LSS: variants seen among roughly 807,000 people sequenced by gnomAD.
The protein encoded by LSS is lanosterol synthase.
In LSS, 90 loss-of-function variants were observed where a neutral mutation model predicts 110.3. That is an observed-to-expected ratio of 0.82 (90% CI 0.69 to 0.97). The LOEUF is 0.97. Ranked by LOEUF, LSS falls within the 50% of genes least tolerant of loss-of-function variation. The probability of loss-of-function intolerance (pLI) is 0.00; values close to 1 mark genes in which losing one functional copy is unlikely to be tolerated. For missense variants in LSS, 927 were observed against 990.0 expected (o/e 0.94, Z 0.85); for synonymous variants, 433 against 400.0 (o/e 1.08, Z -0.98).
At chr21:46,208,963 A>T (rs2080090785) in intron 13 of LSS, among the ~76,000 whole-genome samples, 1 of 152,218 alleles carries the variant, frequency 6.6e-6, no homozygotes, top group Non-Finnish European at 1.5e-5. Context: ...GGTTCCAGGC[A>T]GAGGGACACT....
chr21:46,214,973 G>A (rs908851589), intron 9 of LSS, among the ~76,000 whole-genome samples: 4 of 152,102 alleles, frequency 2.6e-5, no homozygotes, highest in Admixed American at 1.3e-4. Flanking sequence ...GGGGTCGAGT[G>A]TGGTGGGGCA....
In LSS at chr21:46,215,257, G is replaced by A. The variant is rs764497439; in HGVS notation, c.934C>T (p.Arg312Trp). The change falls in exon 9 of 22, where the codon CGG (arginine) becomes TGG (tryptophan). Residue 312 changes from arginine to tryptophan, a missense_variant. By Grantham distance (101) the Arg-to-Trp change is moderately radical. Transcript: ENST00000397728. ...LYEHHHSAHL[R>W]QRAVQKLYEH... ...TACAGCTTCTGCACGGCCCGCTGCC[G>A]CAGGTGGGCACTGTGGTGGTGCTCA... is the stretch of plus-strand genomic sequence containing the variant. 1.7e-5 allele frequency: 28 copies of A among 1,610,830 alleles called. No homozygotes were observed. Among genetic ancestry groups the A allele is most frequent in the Admixed American group, 6.7e-5 (4 of 59,982 alleles).
Position 46,188,702 on chromosome 21 carries a change from A to G in LSS, c.*2402T>C, listed in dbSNP as rs1364108082. 2.1e-6 allele frequency: 1 copy of G among 471,126 alleles called. No homozygotes were observed. Among genetic ancestry groups the G allele is most frequent in the Admixed American group, 2.3e-5 (1 of 42,582 alleles). 29.2% of individuals were successfully genotyped at this position (471,126 alleles called of 1,614,324 possible). A position where few individuals can be genotyped will look rare whatever the true frequency, so the allele number is the denominator to read the frequency against. Reference sequence around the variant, plus strand: ...AAAATACACTCCCTCTAAACAATGGATTGAACACAGATGTGATTTCTAAAG... The same window carrying G: ...AAAATACACTCCCTCTAAACAATGGGTTGAACACAGATGTGATTTCTAAAG... On this transcript the variant is annotated 3_prime_UTR_variant, in exon 22 of 22. Transcript: ENST00000397728.
chr21:46,221,622 T>G (rs967685113), intron 5 of LSS: 5 of 565,954 alleles, frequency 8.8e-6, no homozygotes, highest in Non-Finnish European at 1.6e-5. Flanking sequence ...TCTCCCAAAG[T>G]GCTGGAATTG....
chr21:46,225,922 C>A (rs2080334268), intron 3 of LSS, among the ~76,000 whole-genome samples: 1 of 152,122 alleles, frequency 6.6e-6, no homozygotes, highest in South Asian at 2.1e-4. Flanking sequence ...TCCCCCGGGC[C>A]CAGCTGTCTT....
At chr21:46,197,468 A>G (rs1043863243) in intron 17 of LSS, among the ~76,000 whole-genome samples, 3 of 152,236 alleles carry the variant, frequency 2.0e-5, no homozygotes, top group Non-Finnish European at 2.9e-5. Context: ...ATCTCACACA[A>G]ACTCTTCCAG....
rs772425985 is a variant in LSS at position 46,210,684 on chromosome 21, G to A, written c.1194+4C>T. On this transcript the variant is annotated splice_donor_region_variant and intron_variant, in intron 12 of 21. Transcript: ENST00000397728. ...AGGCTGAGAAAAGAGAAGGAGCCAC[G>A]AACCTCAAGCAGAGCCTGGATGGCG... 9 of 1,613,774 alleles carry A rather than the reference G, an allele frequency of 5.6e-6. No homozygotes were observed. Among genetic ancestry groups the A allele is most frequent in the East Asian group, 4.5e-5 (2 of 44,878 alleles).
intron 15 of LSS, among the ~76,000 whole-genome samples, chr21:46,206,970 T>G (rs563875518): frequency 6.6e-6 from 1 of 152,232 alleles, no homozygotes; most frequent in East Asian, 1.9e-4. Context: ...AGGGCCTCCA[T>G]GCACAGCCAC....
chr21:46,223,381 C>T (rs994499628), intron 3 of LSS, among the ~76,000 whole-genome samples: 1 of 152,094 alleles, frequency 6.6e-6, no homozygotes, highest in African/African-American at 2.4e-5. Flanking sequence ...AGCCATGTGC[C>T]CCCAGAGCCT....
chr21:46,222,431 A>C lies in LSS; in HGVS notation c.428+199T>G, dbSNP rs2080289696. The C allele has an allele frequency of 4.0e-5, 23 of 579,700 alleles. No individual in the cohort carries two copies. The South Asian group carries it at 4.9e-4, about 12-fold the overall frequency. The allele number at this position is 579,700 out of a possible 1,614,324, so 35.9% of individuals were successfully genotyped here. On this transcript the variant is annotated intron_variant, in intron 4 of 21. Transcript: ENST00000397728. The stretch of plus-strand genomic sequence containing the variant: ...GTCCTAACAGCCACAAAATCCATTT[A>C]ACAAAAGATGTGAAGCCGAGGCCCC...
chr21:46,213,683 G>T, intron 10 of LSS, 55 bp downstream of exon 10: 1 of 1,499,228 alleles, frequency 6.7e-7, no homozygotes, highest in Non-Finnish European at 9.2e-7. Flanking sequence ...ATGCAGCTGG[G>T]GCTCAGATCC....
At position 46,216,352 on chromosome 21, in the gene LSS, C is replaced by A; in HGVS notation, c.783+37G>T. 2 of 1,612,832 alleles carry A rather than the reference C, an allele frequency of 1.2e-6. No individual in the cohort carries two copies. Among genetic ancestry groups the A allele is most frequent in the Non-Finnish European group, 1.7e-6 (2 of 1,179,880 alleles). ...GCCCCAGGCCCTGTGGGTCCCAGCC[C>A]CAGAGGCCTTCACTTTGTTCCCTGA... On this transcript the variant is annotated intron_variant, in intron 7 of 21. Coordinates refer to ENST00000397728, the MANE Select transcript of LSS (RefSeq NM_002340.6). This position sits in a 1 kb window ranked among gnomAD's most constrained non-coding sequence, Gnocchi z 4.2.
chr21:46,225,388 G>A (rs779408000), intron 3 of LSS: 25 of 453,158 alleles, frequency 5.5e-5, no homozygotes, highest in Non-Finnish European at 9.3e-5. Context: ...GGACCCAACC[G>A]TGGTCTAGCG....
At position 46,210,628 on chromosome 21, in the gene LSS, C is replaced by T. The variant is rs376698654; in HGVS notation, c.1194+60G>A. On this transcript the variant is annotated intron_variant, in intron 12 of 21. Coordinates refer to ENST00000397728, the MANE Select transcript of LSS (RefSeq NM_002340.6). ...CAGCAGTGCTGCCCTCAGGTGGATG[C>T]GTGGGCTCACGTGCACAGGAAGGTC... 253 of 1,528,818 alleles carry T rather than the reference C, an allele frequency of 1.7e-4. 2 individuals carry two copies. In the East Asian group the frequency reaches 4.8e-3, roughly 29 times the overall value. 94.7% of individuals were successfully genotyped at this position (1,528,818 alleles called of 1,614,324 possible).
intron 5 of LSS, 37 bp from the exon 6 acceptor site, chr21:46,219,609 C>T (rs534781077): frequency 7.3e-7 from 1 of 1,369,908 alleles, no homozygotes; most frequent in Non-Finnish European, 1.0e-6. Context: ...TCATCTGCTT[C>T]CTGTCAGCAA....
At chr21:46,212,186 G>T (rs569104907) in intron 11 of LSS, among the ~76,000 whole-genome samples, 37 of 152,300 alleles carry the variant, frequency 2.4e-4, no homozygotes, top group African/African-American at 8.9e-4. Context: ...GGAGCCTCTG[G>T]GGAGCTCAAG....
chr21:46,222,861 C>G (rs561369354), intron 3 of LSS, 123 bp from the exon 4 acceptor site: 4 of 707,378 alleles, frequency 5.7e-6, no homozygotes, highest in South Asian at 3.5e-5. Context: ...AAAACACCCC[C>G]TGGAAAGGCC....
rs1325552927 is a variant in LSS at position 46,188,952 on chromosome 21, A to G, written c.*2152T>C. On this transcript the variant is annotated 3_prime_UTR_variant, in exon 22 of 22. Transcript: ENST00000397728. Reference sequence around the variant, plus strand: ...ATAGGCTATGCTATTATCTCTTAAAATATCTGTTTTCCCTCAGGTAACTGG... The same window carrying G: ...ATAGGCTATGCTATTATCTCTTAAAGTATCTGTTTTCCCTCAGGTAACTGG... 8.2e-6 allele frequency: 3 copies of G among 366,116 alleles called. No homozygotes were observed. In the East Asian group the frequency reaches 2.2e-4, roughly 27 times the overall value. 22.7% of individuals were successfully genotyped at this position (366,116 alleles called of 1,614,324 possible).
intron 17 of LSS, among the ~76,000 whole-genome samples, chr21:46,200,543 G>A (rs950841855): frequency 6.6e-6 from 1 of 150,756 alleles, no homozygotes; most frequent in Non-Finnish European, 1.5e-5. Context: ...TTCATAACCT[G>A]AATCTAATCA....
Sources: gnomAD v4.1 joint callset for allele counts (sites outside exome capture counted in the v4.1 genomes callset) on GRCh38, gnomAD v4.1.1 for gene constraint, Gnocchi (gnomAD v3.1) non-coding constraint, MANE v1.5 for transcripts, NCBI Gene and HGNC (gene_info 2026-07-23, HGNC 2026-07-21) for gene names.